GOLGA6L2: variants seen among roughly 807,000 people sequenced by gnomAD.
GOLGA6L2 encodes golgin subfamily A member 6-like protein 2.
GOLGA6L2 carries 30 observed loss-of-function variants against 35.9 expected under a neutral mutation model. That is an observed-to-expected ratio of 0.83 (90% CI 0.62 to 1.13). GOLGA6L2 has a LOEUF of 1.13. Among genes scored for constraint, GOLGA6L2 ranks in the 50% most tolerant of loss-of-function variants. The pLI is 0.00. For synonymous variants in GOLGA6L2, 297 were observed against 344.0 expected (o/e 0.86, Z 1.51); for missense variants, 821 against 973.4 (o/e 0.84, Z 2.08).
chr15:23,443,799 G>C lies in GOLGA6L2; in HGVS notation c.569C>G (p.Thr190Arg). 1.3e-6 allele frequency: 2 copies of C among 1,538,990 alleles called. No individual in the cohort carries two copies. Among genetic ancestry groups the C allele is most frequent in the Non-Finnish European group, 1.7e-6 (2 of 1,148,486 alleles). ...TACCCTGTCTGCCTTCTTGTGCCAT[G>C]TGGACACAGCAGAGAGAGCCCGCTG... is the stretch of plus-strand genomic sequence containing the variant. ...ELQRALSAVS[T>R]WHKKADRYIE... Residue 190 changes from threonine to arginine, a missense_variant, in exon 5 of 8, where the codon ACA becomes AGA. Thr to Arg is a moderately conservative substitution (Grantham distance 71). Coordinates refer to ENST00000567107, the MANE Select transcript of GOLGA6L2 (RefSeq NM_001304388.2).
At chr15:23,445,963 G>A (rs1160388617) in intron 1 of GOLGA6L2, among the ~76,000 whole-genome samples, 1 of 152,146 alleles carries the variant, frequency 6.6e-6, no homozygotes, top group Non-Finnish European at 1.5e-5. Context: ...TTAATGTTTT[G>A]TCTCTCTCAA....
rs2070618508 is a variant in GOLGA6L2, at chr15:23,439,202, A to G, written c.*543T>C. Among the ~76,000 whole-genome samples, 1 of 136,364 alleles carries G rather than the reference A, an allele frequency of 7.3e-6. No homozygotes were observed. The highest frequency in any genetic ancestry group is 2.7e-5 in the African/African-American group (1 of 37,412). The allele number at this position is 136,364 out of a possible 152,430, so 89.5% of individuals were successfully genotyped here. On this transcript the variant is annotated 3_prime_UTR_variant, in exon 8 of 8. Coordinates refer to ENST00000567107, the MANE Select transcript of GOLGA6L2 (RefSeq NM_001304388.2). ...ATCTCGCTCTGTCATCCAGGCTGGA[A>G]TGCGGTGGTGTGATCTTGGCTCACT...
intron 5 of GOLGA6L2, among the ~76,000 whole-genome samples, chr15:23,443,218 A>AT (rs977884370): frequency 2.6e-5 from 4 of 152,136 alleles, no homozygotes; most frequent in African/African-American, 7.2e-5. Context: ...GAAGGAGGAA[A>AT]TTAATCCTTT....
rs1397198898 is a variant in GOLGA6L2 at position 23,443,917 on chromosome 15, G to T, written c.451C>A (p.Pro151Thr). Residue 151 changes from proline to threonine, a missense_variant, in exon 5 of 8, where the codon CCT becomes ACT. This residue lies in a region of GOLGA6L2 where 614 missense variants were observed against 632.3 expected (regional missense o/e 0.97). Transcript: ENST00000567107. ...LALSQAFRGS[P>T]LGCVSTSLIP... ...AGAGAGGTTGAGACACAGCCCAAAG[G>T]ACTCCCCCTAAAGGCCTGTGAAAGT... is the stretch of plus-strand genomic sequence containing the variant. 6.5e-7 allele frequency: 1 copy of T among 1,549,426 alleles called. No individual in the cohort carries two copies. Among genetic ancestry groups the T allele is most frequent in the Non-Finnish European group, 8.7e-7 (1 of 1,153,982 alleles).
rs779539911 is a variant in GOLGA6L2 at position 23,442,502 on chromosome 15, C to A, written c.598G>T (p.Glu200Ter). The A allele has an allele frequency of 6.3e-7, 1 of 1,592,328 alleles. No homozygotes were observed. Among genetic ancestry groups the A allele is most frequent in the Non-Finnish European group, 8.5e-7 (1 of 1,176,474 alleles). ...GCGTCCCTCTCCTTTGTTAACTCCT[C>A]GATGTACTGCAAATAGAGAAAGGTT... ...TWHKKADRYIEELTKERDALS... is the reference protein window; with the variant it reads ...TWHKKADRYI Residue 200 changes from glutamate to a stop codon, truncating the protein, a stop_gained, in exon 6 of 8, where the codon GAG (glutamate) becomes TAG (stop). Transcript: ENST00000567107. LOFTEE classifies it high-confidence loss of function.
intron 1 of GOLGA6L2, among the ~76,000 whole-genome samples, chr15:23,446,276 G>C (rs1478220100): frequency 6.6e-6 from 1 of 152,208 alleles, no homozygotes; most frequent in African/African-American, 2.4e-5. Context: ...TTTCCACCAA[G>C]AGACAATGTC....
rs1886738284 is a variant in GOLGA6L2 at position 23,444,616 on chromosome 15, C to G, written c.214-116G>C. 3.5e-6 allele frequency: 3 copies of G among 845,454 alleles called. No individual in the cohort carries two copies. In the East Asian group the frequency reaches 7.7e-5, roughly 22 times the overall value. The allele number at this position is 845,454 out of a possible 1,614,324, so 52.4% of individuals were successfully genotyped here. A position where few individuals can be genotyped will look rare whatever the true frequency, so the allele number is the denominator to read the frequency against. On this transcript the variant is annotated intron_variant, in intron 2 of 7. Coordinates refer to ENST00000567107, the MANE Select transcript of GOLGA6L2 (RefSeq NM_001304388.2). ...ATTTTAAAGGGCAACGTTCTCAGAC[C>G]CAATGGGAACATGAAGTGGTAAACT...
At position 23,442,090 on chromosome 15, in the gene GOLGA6L2, AT is replaced by A. The variant is rs1471835392; in HGVS notation, c.680del (p.Asn227MetfsTer22). The stretch of plus-strand genomic sequence containing the variant: ...GTCGAAGTTTTTCTTGTAGTTCGGC[AT>A]TTTTCTTCTTCAGCTCCTCATTGGT... ...TITNEELKKK[N>X]AELQEKLRLA... On this transcript the variant is annotated frameshift_variant, in exon 7 of 8. Transcript: ENST00000567107. LOFTEE classifies it high-confidence loss of function. The A allele has an allele frequency of 1.3e-6, 2 of 1,551,918 alleles. No individual in the cohort carries two copies. The highest frequency in any genetic ancestry group is 1.7e-6 in the Non-Finnish European group (2 of 1,155,026).
rs771877758 is a variant in GOLGA6L2 at position 23,441,697 on chromosome 15, G to T, written c.793-15C>A. The T allele has an allele frequency of 6.8e-6, 10 of 1,476,492 alleles. No homozygotes were observed. Among genetic ancestry groups the T allele is most frequent in the Non-Finnish European group, 1.8e-6 (2 of 1,119,784 alleles). The allele number at this position is 1,476,492 out of a possible 1,614,324, so 91.5% of individuals were successfully genotyped here. A position where few individuals can be genotyped will look rare whatever the true frequency, so the allele number is the denominator to read the frequency against. Reference sequence around the variant, plus strand: ...TTGGTTTGAACCTCAAAAGGAAATAGACTTATGAACTAGCTATATAAATGT... The same window carrying T: ...TTGGTTTGAACCTCAAAAGGAAATATACTTATGAACTAGCTATATAAATGT... On this transcript the variant is annotated splice_polypyrimidine_tract_variant and intron_variant, in intron 7 of 7. Transcript: ENST00000567107.
chr15:23,444,245 G>C (rs775276131), intron 3 of GOLGA6L2, 33 bp from the exon 4 acceptor site: 4 of 1,598,406 alleles, frequency 2.5e-6, no homozygotes, highest in East Asian at 2.2e-5. Context: ...CTCTTACTAG[G>C]GGGAGGCAGA....
rs765308989 is a variant in GOLGA6L2 at position 23,447,152 on chromosome 15, G to T, written c.30C>A (p.His10Gln). 2 of 1,595,288 alleles carry T rather than the reference G, an allele frequency of 1.3e-6. No individual in the cohort carries two copies. Among genetic ancestry groups the T allele is most frequent in the Non-Finnish European group, 1.7e-6 (2 of 1,167,760 alleles). The change falls in exon 1 of 8, where the codon CAC becomes CAA. Residue 10 changes from histidine (H) to glutamine (Q), a missense_variant. His to Gln is a conservative substitution (Grantham distance 24). Coordinates refer to ENST00000567107, the MANE Select transcript of GOLGA6L2 (RefSeq NM_001304388.2). The stretch of plus-strand genomic sequence containing the variant: ...GTCTGGTTTTTTCTGACATCATGGG[G>T]TGGGGAGGGAGGTGGGGTTGGGGCC... MWPQPHLPPHPMMSEKTRQN... is the reference protein window; with the variant it reads MWPQPHLPPQPMMSEKTRQN...
chr15:23,444,044 C>G lies in GOLGA6L2; in HGVS notation c.324G>C (p.Thr108=). ...CTGTCTCCAGTTCAGTTTTCTGACA[C>G]GTGAGAATTCGTATTGTATGATCCT... ...EAQDHTIRIL[T]CQKTELETAL... The change falls in exon 5 of 8, where the codon ACG becomes ACC. Residue 108 remains threonine (T), a synonymous_variant. Coordinates refer to ENST00000567107, the MANE Select transcript of GOLGA6L2 (RefSeq NM_001304388.2). The G allele has an allele frequency of 1.3e-6, 2 of 1,556,590 alleles. No individual in the cohort carries two copies. The highest frequency in any genetic ancestry group is 1.2e-5 in the South Asian group (1 of 86,238).
rs368228256 is a variant in GOLGA6L2, at chr15:23,442,073, T to C, written c.698A>G (p.Lys233Arg). The C allele has an allele frequency of 2.8e-4, 431 of 1,545,938 alleles. 8 individuals carry two copies. The South Asian group carries it at 4.8e-3, about 17-fold the overall frequency. The change falls in exon 7 of 8, where the codon AAA becomes AGA. Residue 233 changes from lysine to arginine, a missense_variant. Physicochemically the swap from Lys to Arg is conservative, Grantham distance 26 (BLOSUM62 2). Transcript: ENST00000567107. ...LKKKNAELQEKLRLAESEKSE... is the reference protein window; with the variant it reads ...LKKKNAELQERLRLAESEKSE... ...CTTTTCAGATTCTGCAAGTCGAAGT[T>C]TTTCTTGTAGTTCGGCATTTTTCTT...
Position 23,439,709 on chromosome 15 carries a change from C to A in GOLGA6L2, c.*36G>T. 1.3e-6 allele frequency: 2 copies of A among 1,537,364 alleles called. No individual in the cohort carries two copies. The highest frequency in any genetic ancestry group is 1.7e-6 in the Non-Finnish European group (2 of 1,147,136). ...CTGCGGAGAACCCTCCCCAGCCTCT[C>A]CTCCTGCAGGCTCCACACTGCCAGT... On this transcript the variant is annotated 3_prime_UTR_variant, in exon 8 of 8. Coordinates refer to ENST00000567107, the MANE Select transcript of GOLGA6L2 (RefSeq NM_001304388.2).
At chr15:23,442,206 G>A (rs771457593) in intron 6 of GOLGA6L2, 86 bp from the exon 7 acceptor site, 16 of 1,435,428 alleles carry the variant, frequency 1.1e-5, no homozygotes, top group Non-Finnish European at 1.4e-5. Context: ...CGCCCCACAA[G>A]CACAGAACCG....
Position 23,439,462 on chromosome 15 carries a change from TTTC to T in GOLGA6L2, c.*280_*282del. The T allele has an allele frequency of 1.5e-6, 1 of 684,880 alleles. No individual in the cohort carries two copies. Among genetic ancestry groups the T allele is most frequent in the Non-Finnish European group, 2.2e-6 (1 of 463,964 alleles). The allele number at this position is 684,880 out of a possible 1,614,324, so 42.4% of individuals were successfully genotyped here. A position where few individuals can be genotyped will look rare whatever the true frequency, so the allele number is the denominator to read the frequency against. On this transcript the variant is annotated 3_prime_UTR_variant, in exon 8 of 8. Coordinates refer to ENST00000567107, the MANE Select transcript of GOLGA6L2 (RefSeq NM_001304388.2). ...ATTTTCTTTTCTTTTTTTTTTTTTT[TTTC>T]AAGTTTGTGCTCAGACTATATTCAC... is the stretch of plus-strand genomic sequence containing the variant.
rs2070729362 is a variant in GOLGA6L2 at position 23,444,050 on chromosome 15, A to C, written c.318T>G (p.Ile106Met). The C allele has an allele frequency of 2.6e-6, 4 of 1,559,428 alleles. No homozygotes were observed. Among genetic ancestry groups the C allele is most frequent in the Non-Finnish European group, 3.5e-6 (4 of 1,158,464 alleles). ...CCAGTTCAGTTTTCTGACACGTGAG[A>C]ATTCGTATTGTATGATCCTGGGCCT... ...EIEAQDHTIR[I>M]LTCQKTELET... Residue 106 changes from isoleucine (I) to methionine (M), a missense_variant, in exon 5 of 8, where the codon ATT (isoleucine) becomes ATG (methionine). By Grantham distance (10) the Ile-to-Met change is conservative. Transcript: ENST00000567107.
chr15:23,442,722 G>A (rs927915200), intron 5 of GOLGA6L2, among the ~76,000 whole-genome samples: 4 of 150,388 alleles, frequency 2.7e-5, no homozygotes, highest in Non-Finnish European at 3.0e-5. Flanking sequence ...TGCTCTTGTT[G>A]CCCAGGCTGG....
Position 23,440,577 on chromosome 15 carries a change from G to T in GOLGA6L2, c.1898C>A (p.Ala633Glu). The T allele has an allele frequency of 7.6e-7, 1 of 1,309,142 alleles. No homozygotes were observed. Among genetic ancestry groups the T allele is most frequent in the Non-Finnish European group, 1.1e-6 (1 of 940,892 alleles). 81.1% of individuals were successfully genotyped at this position (1,309,142 alleles called of 1,614,324 possible). A position where few individuals can be genotyped will look rare whatever the true frequency, so the allele number is the denominator to read the frequency against. ...GGEDARGGED[A>E]GAGEEDAGGG... ...TCCCGCATCTTCTTCTCCCGCTCCC[G>T]CATCCTCTCCTCCTCTCGCATCTTC... The change falls in exon 8 of 8, where the codon GCG becomes GAG. Residue 633 changes from alanine to glutamate, a missense_variant. Transcript: ENST00000567107.
Sources: allele counts gnomAD v4.1 joint callset (sites outside exome capture counted in the v4.1 genomes callset), GRCh38; gene constraint gnomAD v4.1.1; regional missense constraint gnomAD v4.1.1; transcripts MANE v1.5; gene names NCBI Gene and HGNC (gene_info 2026-07-23, HGNC 2026-07-21).